The following UIMC1 variants were observed in gnomAD, a reference collection of about 807,000 sequenced individuals.
UIMC1 encodes BRCA1-A complex subunit RAP80.
Under a neutral mutation model 84.9 loss-of-function variants are expected in UIMC1, and 42 were observed. The ratio of observed to expected loss-of-function variants is 0.49; its 90% confidence interval spans 0.39 to 0.64. The LOEUF (loss-of-function observed/expected upper bound fraction) is 0.64, where lower values mean the gene tolerates loss of function less well. Ranked by LOEUF, UIMC1 falls within the 30% of genes least tolerant of loss-of-function variation. The pLI is 0.00. For synonymous variants in UIMC1, 281 were observed against 293.0 expected (o/e 0.96, Z 0.42); for missense variants, 825 against 847.6 (o/e 0.97, Z 0.33).
chr5:176,913,449 C>A (rs1760524681), intron 10 of UIMC1, among the ~76,000 whole-genome samples: 1 of 152,210 alleles, frequency 6.6e-6, no homozygotes, highest in Admixed American at 6.5e-5. Flanking sequence ...GATATACAAT[C>A]CAATTTGTCA....
intron 10 of UIMC1, among the ~76,000 whole-genome samples, chr5:176,933,580 G>C (rs1196129848): frequency 1.3e-5 from 2 of 151,558 alleles, no homozygotes; most frequent in Non-Finnish European, 2.9e-5. Flanking sequence ...ACTCAGGCTG[G>C]AGTGGAGTGG....
rs143214383 is a variant in UIMC1, at chr5:176,945,471, A to G, written c.1444-1983T>C. Among the ~76,000 whole-genome samples the G allele has an allele frequency of 5.9e-5, 9 of 152,328 alleles. No individual in the cohort carries two copies. The East Asian group carries it at 1.3e-3, about 23-fold the overall frequency. On this transcript the variant is annotated intron_variant, in intron 9 of 14. Coordinates refer to ENST00000511320, the MANE Select transcript of UIMC1 (RefSeq NM_001199298.2). The stretch of plus-strand genomic sequence containing the variant: ...TACAAAATTGCACGCAGGATCGTGT[A>G]AAGACAATGCCAGGTTGGACTGCTA...
upstream of UIMC1, among the ~76,000 whole-genome samples, chr5:177,007,916 C>T (rs529818622): frequency 1.6e-4 from 24 of 152,150 alleles, 1 homozygote; most frequent in South Asian, 5.0e-3. Context: ...ACTAGCCTGA[C>T]CAACATGGTG....
intron 8 of UIMC1, among the ~76,000 whole-genome samples, chr5:176,953,646 A>G (rs1766208444): frequency 6.6e-6 from 1 of 152,170 alleles, no homozygotes; most frequent in Non-Finnish European, 1.5e-5. Context: ...CACTGCTTAG[A>G]TTACTGCAAT....
chr5:176,917,253 C>G (rs1761097223), intron 10 of UIMC1, among the ~76,000 whole-genome samples: 1 of 152,220 alleles, frequency 6.6e-6, no homozygotes, highest in African/African-American at 2.4e-5. Flanking sequence ...CCTCAGAGAC[C>G]AGTCTCAATT....
chr5:176,907,049 G>A, intron 13 of UIMC1, 65 bp downstream of exon 13: 3 of 1,524,122 alleles, frequency 2.0e-6, no homozygotes, highest in Non-Finnish European at 2.7e-6. Context: ...CAGGGGGCTG[G>A]CAATGGCTAT....
intron 9 of UIMC1, among the ~76,000 whole-genome samples, chr5:176,944,615 A>G (rs1431904712): frequency 6.6e-6 from 1 of 152,242 alleles, no homozygotes; most frequent in East Asian, 1.9e-4. Context: ...ATCTTCTGAT[A>G]CAAGAACAAA....
intron 10 of UIMC1, among the ~76,000 whole-genome samples, chr5:176,929,064 C>T (rs1050443524): frequency 6.7e-6 from 1 of 149,318 alleles, no homozygotes; most frequent in African/African-American, 2.5e-5. Flanking sequence ...CCAGCCTGGC[C>T]AATATAGTGA....
chr5:177,017,232 A>G lies in UIMC1; in HGVS notation c.-9+5232T>C, dbSNP rs75203514. 9.9e-4 allele frequency among the ~76,000 whole-genome samples: 151 copies of G among 152,230 alleles called. 5 individuals carry two copies. In the East Asian group the frequency reaches 0.028, roughly 28 times the overall value. On this transcript the variant is annotated intron_variant, in intron 1 of 5. Coordinates refer to the UIMC1 transcript ENST00000509236. ...TCTTTACATCCTGTTAGTAAAAGCT[A>G]ATCTGTGGCCACCTCTAATAGTTTG... is the stretch of plus-strand genomic sequence containing the variant.
intron 1 of UIMC1, among the ~76,000 whole-genome samples, chr5:177,020,711 T>C (rs1581743927): frequency 6.6e-6 from 1 of 152,236 alleles, no homozygotes; most frequent in African/African-American, 2.4e-5. Context: ...ATTACAGGCA[T>C]GAGCCACTGC....
chr5:176,967,175 A>G (rs771240627), intron 6 of UIMC1, among the ~76,000 whole-genome samples: 7 of 152,232 alleles, frequency 4.6e-5, no homozygotes, highest in Non-Finnish European at 8.8e-5. Flanking sequence ...AATTACAGCT[A>G]CAGAAAATTA....
intron 7 of UIMC1, among the ~76,000 whole-genome samples, chr5:176,957,787 G>A (rs569134333): frequency 3.2e-4 from 49 of 152,324 alleles, no homozygotes; most frequent in African/African-American, 1.2e-3. Context: ...GAAAACTAGT[G>A]TAATTAGTTA....
chr5:176,912,429 T>C (rs1318092953), intron 10 of UIMC1, among the ~76,000 whole-genome samples: 5 of 152,010 alleles, frequency 3.3e-5, no homozygotes, highest in Admixed American at 2.0e-4. Context: ...AAATGCCTTC[T>C]ATAAACATCC....
In UIMC1 at chr5:176,939,447, T is replaced by A. The variant is rs138349799; in HGVS notation, c.1597+3888A>T. Among the ~76,000 whole-genome samples, 22 of 152,270 alleles carry A rather than the reference T, an allele frequency of 1.4e-4. No homozygotes were observed. The East Asian group carries it at 4.2e-3, about 29-fold the overall frequency. On this transcript the variant is annotated intron_variant, in intron 10 of 14. Transcript: ENST00000511320. ...ATTTCAGCCAACAACGGACCATCTA[T>A]ATGATGGGGGTGCCATAAAATTATA...
chr5:176,969,664 G>C lies in UIMC1; in HGVS notation c.400C>G (p.Leu134Val). 6.2e-7 allele frequency: 1 copy of C among 1,614,174 alleles called. No individual in the cohort carries two copies. The highest frequency in any genetic ancestry group is 8.5e-7 in the Non-Finnish European group (1 of 1,180,030). ...SDASATRSRP[L>V]ATGPSSQSHQ... Reference sequence around the variant, plus strand: ...GACTGGGAAGACGGTCCAGTGGCCAGAGGTCGAGATCTGGTAGCGGAAGCA... The same window carrying C: ...GACTGGGAAGACGGTCCAGTGGCCACAGGTCGAGATCTGGTAGCGGAAGCA... Residue 134 changes from leucine (L) to valine (V), a missense_variant, in exon 5 of 15, where the codon CTG becomes GTG. Transcript: ENST00000511320.
rs534241685 is a variant in UIMC1, at chr5:176,938,748, CTTT to C, written c.1597+4584_1597+4586del. 3.5e-3 allele frequency among the ~76,000 whole-genome samples: 536 copies of C among 152,358 alleles called. 6 individuals are homozygous for C. Among genetic ancestry groups the C allele is most frequent in the African/African-American group, 0.012 (503 of 41,578 alleles). On this transcript the variant is annotated intron_variant, in intron 10 of 14. Transcript: ENST00000511320. ...CTGCAAAGCCAAGGCTAAGCCCACT[CTTT>C]CTGGGATCTCATCCTTATTCACTGC...
intron 1 of UIMC1, among the ~76,000 whole-genome samples, chr5:177,019,954 G>A (rs963717302): frequency 6.6e-6 from 1 of 151,856 alleles, no homozygotes; most frequent in African/African-American, 2.4e-5. Flanking sequence ...GTAAAACACT[G>A]GCCAAACATC....
At chr5:176,918,016 CA>C (rs1761234438) in intron 10 of UIMC1, among the ~76,000 whole-genome samples, 2 of 152,306 alleles carry the variant, frequency 1.3e-5, no homozygotes, top group African/African-American at 2.4e-5. Context: ...TTCAAATGCT[CA>C]ATAGCCATAT....
chr5:176,914,049 T>TACCAC (rs1760644475), intron 10 of UIMC1, among the ~76,000 whole-genome samples: 3 of 148,898 alleles, frequency 2.0e-5, no homozygotes, highest in South Asian at 4.3e-4. Flanking sequence ...CACCATACCA[T>TACCAC]ACCATACCAT....
Sources: gnomAD v4.1 joint callset for allele counts (sites outside exome capture counted in the v4.1 genomes callset) on GRCh38, gnomAD v4.1.1 for gene constraint, MANE v1.5 for transcripts, NCBI Gene and HGNC (gene_info 2026-07-23, HGNC 2026-07-21) for gene names.